Variants in PRKG1 observed in about 807,000 individuals in gnomAD.
The protein encoded by PRKG1 is cGMP-dependent protein kinase 1.
In PRKG1, 35 loss-of-function variants were observed where a neutral mutation model predicts 88.1. The ratio of observed to expected loss-of-function variants is 0.40; its 90% confidence interval spans 0.30 to 0.53. The LOEUF is 0.53. Among genes scored for constraint, PRKG1 ranks in the 20% least tolerant of loss-of-function variants. The pLI is 0.59. For synonymous variants in PRKG1, 303 were observed against 292.5 expected (o/e 1.04, Z -0.37); for missense variants, 540 against 839.8 (o/e 0.64, Z 4.41).
At chr10:51,215,801 T>C (rs1188369553) in intron 2 of PRKG1, among the ~76,000 whole-genome samples, 1 of 152,206 alleles carries the variant, frequency 6.6e-6, no homozygotes. Context: ...TGGAAATTCC[T>C]CTATATACAG....
chr10:51,572,756 G>A (rs775809871), intron 3 of PRKG1, among the ~76,000 whole-genome samples: 2 of 151,250 alleles, frequency 1.3e-5, no homozygotes, highest in East Asian at 1.9e-4. Flanking sequence ...TGATATGCAC[G>A]ATAGCTTGAG....
At chr10:51,627,990 TTCTCTCTCTC>T (rs1304960390) in intron 3 of PRKG1, among the ~76,000 whole-genome samples, 1 of 36,164 alleles carries the variant, frequency 2.8e-5, no homozygotes, top group Admixed American at 3.2e-4. Context: ...CTTTCTTTCT[TTCTCTCTCTC>T]TCTCTCTCTC....
intron 3 of PRKG1, among the ~76,000 whole-genome samples, chr10:51,729,393 A>T (rs1398045093): frequency 6.6e-6 from 1 of 152,106 alleles, no homozygotes; most frequent in East Asian, 1.9e-4. Flanking sequence ...ACTTTACCTG[A>T]GTGATAAAAT....
chr10:51,646,445 T>A (rs1839917238), intron 3 of PRKG1, among the ~76,000 whole-genome samples: 1 of 152,134 alleles, frequency 6.6e-6, no homozygotes, highest in Admixed American at 6.5e-5. Context: ...TTATCTTACA[T>A]CATCATCATC....
At chr10:51,484,987 G>A (rs948747573) in intron 3 of PRKG1, among the ~76,000 whole-genome samples, 5 of 152,142 alleles carry the variant, frequency 3.3e-5, no homozygotes, top group Admixed American at 1.3e-4. Flanking sequence ...CTAGGTAGTT[G>A]CAAAATCCAA....
At chr10:51,737,215 C>T (rs1387916087) in intron 3 of PRKG1, among the ~76,000 whole-genome samples, 1 of 152,122 alleles carries the variant, frequency 6.6e-6, no homozygotes, top group Non-Finnish European at 1.5e-5. Flanking sequence ...TTCATCTTCC[C>T]CCACTCCCAC....
chr10:51,945,870 T>G (rs952272591), intron 5 of PRKG1, among the ~76,000 whole-genome samples: 6 of 151,784 alleles, frequency 4.0e-5, no homozygotes, highest in African/African-American at 1.5e-4. Flanking sequence ...CCGACCTTTC[T>G]CTCTGGCTGC....
intron 2 of PRKG1, among the ~76,000 whole-genome samples, chr10:51,463,352 C>T (rs963848011): frequency 7.2e-5 from 11 of 152,188 alleles, no homozygotes; most frequent in African/African-American, 2.7e-4. Flanking sequence ...CAAAAGCATG[C>T]TGTATATTCA....
chr10:51,739,020 T>C (rs1837364854), intron 3 of PRKG1, among the ~76,000 whole-genome samples: 1 of 152,246 alleles, frequency 6.6e-6, no homozygotes, highest in Non-Finnish European at 1.5e-5. Flanking sequence ...GCCATGTTAC[T>C]TGTTTAATGC....
At chr10:51,809,842 C>T (rs1839406912) in intron 4 of PRKG1, among the ~76,000 whole-genome samples, 1 of 152,150 alleles carries the variant, frequency 6.6e-6, no homozygotes, top group African/African-American at 2.4e-5. Context: ...TTACCATTGT[C>T]TTCCAAGCAC....
chr10:51,393,165 C>T (rs1381979229), intron 2 of PRKG1, among the ~76,000 whole-genome samples: 1 of 150,524 alleles, frequency 6.6e-6, no homozygotes, highest in Non-Finnish European at 1.5e-5. Context: ...CAGAGACGCT[C>T]CTCACCTCCC....
intron 2 of PRKG1, among the ~76,000 whole-genome samples, chr10:51,180,999 T>G (rs1245554291): frequency 6.6e-6 from 1 of 152,136 alleles, no homozygotes; most frequent in Non-Finnish European, 1.5e-5. Context: ...TTAAATATTT[T>G]AACATCTTAA....
intron 1 of PRKG1, among the ~76,000 whole-genome samples, chr10:51,113,473 T>C (rs1845026609): frequency 6.6e-6 from 1 of 152,190 alleles, no homozygotes; most frequent in African/African-American, 2.4e-5. Context: ...CACTTCTTTG[T>C]TACTCCTTTA....
At chr10:51,491,010 G>A (rs1338437719) in intron 3 of PRKG1, among the ~76,000 whole-genome samples, 1 of 151,988 alleles carries the variant, frequency 6.6e-6, no homozygotes, top group Non-Finnish European at 1.5e-5. Flanking sequence ...TACATCAGTG[G>A]CATCATGGGA....
chr10:51,205,543 CTT>C (rs947343991), intron 2 of PRKG1, among the ~76,000 whole-genome samples: 90 of 151,292 alleles, frequency 5.9e-4, no homozygotes, highest in African/African-American at 2.1e-3. Context: ...TTTTTTTAAA[CTT>C]TTATTTCTTG....
At chr10:51,890,543 ATAGT>A (rs1157831820) in intron 4 of PRKG1, among the ~76,000 whole-genome samples, 1 of 152,244 alleles carries the variant, frequency 6.6e-6, no homozygotes, top group Admixed American at 6.5e-5. Context: ...AGTACATATG[ATAGT>A]TAAAGAGATA....
chr10:51,991,856 T>C (rs1315533473), intron 5 of PRKG1, among the ~76,000 whole-genome samples: 1 of 152,234 alleles, frequency 6.6e-6, no homozygotes, highest in Non-Finnish European at 1.5e-5. Context: ...CATGTGTCTT[T>C]ATAGCAGCAT....
At chr10:51,562,508 T>C (rs916899939) in intron 3 of PRKG1, among the ~76,000 whole-genome samples, 3 of 152,072 alleles carry the variant, frequency 2.0e-5, no homozygotes, top group Admixed American at 6.6e-5. Flanking sequence ...TGTTATAAGG[T>C]AGAGGCTTAG....
At chr10:51,276,629 G>T (rs1465624790) in intron 2 of PRKG1, among the ~76,000 whole-genome samples, 1 of 152,102 alleles carries the variant, frequency 6.6e-6, no homozygotes, top group Non-Finnish European at 1.5e-5. Context: ...AGCACCTGTT[G>T]TTTCCTGACT....
Sources: allele counts gnomAD v4.1 joint callset (sites outside exome capture counted in the v4.1 genomes callset), GRCh38; gene constraint gnomAD v4.1.1; transcripts MANE v1.5; gene names NCBI Gene and HGNC (gene_info 2026-07-23, HGNC 2026-07-21).